The following GSTA2 variants were observed in gnomAD, a reference collection of about 807,000 sequenced individuals.
GSTA2 encodes the protein glutathione S-transferase alpha 2.
A neutral mutation model predicts 22.4 loss-of-function variants in GSTA2; 27 were observed. The ratio of observed to expected loss-of-function variants is 1.21; its 90% CI spans 0.89 to 1.67. The LOEUF is 1.67. GSTA2 is among the 40% of genes most tolerant of loss of function. The pLI is 0.00. For missense variants in GSTA2, 302 were observed against 260.2 expected (o/e 1.16, Z -1.11); for synonymous variants, 121 against 86.8 (o/e 1.39, Z -2.19).
chr6:52,762,898 T>C (rs905651401), intron 1 of GSTA2, among the ~76,000 whole-genome samples: 1 of 152,202 alleles, frequency 6.6e-6, no homozygotes, highest in African/African-American at 2.4e-5. Flanking sequence ...AGCTATTCTC[T>C]ATATTGGCCA....
At chr6:52,754,595 A>G (rs73740523) in intron 4 of GSTA2, among the ~76,000 whole-genome samples, 1,700 of 152,180 alleles carry the variant, frequency 0.011, 33 homozygotes, top group African/African-American at 0.038. Context: ...CACATATTCT[A>G]TGCCTGTCCT....
At chr6:52,756,907 C>A (rs1161646286) in intron 2 of GSTA2, among the ~76,000 whole-genome samples, 1 of 151,920 alleles carries the variant, frequency 6.6e-6, no homozygotes, top group African/African-American at 2.4e-5. Context: ...ATTAGGGTCC[C>A]ACACTAGCAT....
intron 6 of GSTA2, 23 bp downstream of exon 6, chr6:52,751,554 C>T: frequency 6.2e-7 from 1 of 1,613,838 alleles, no homozygotes; most frequent in African/African-American, 1.3e-5. Context: ...GTCTGCCTCT[C>T]TGAAGACTGT....
chr6:52,752,942 A>C lies in GSTA2; in HGVS notation c.326T>G (p.Leu109Arg). Residue 109 changes from leucine to arginine, a missense_variant, in exon 5 of 7, where the codon CTG becomes CGG. Physicochemically the swap from Leu to Arg is moderately radical, Grantham distance 102 (BLOSUM62 -2). Coordinates refer to ENST00000493422, the MANE Select transcript of GSTA2 (RefSeq NM_000846.5). ...TTGTTCCTCAGGTTGACTAAAGGGC[A>C]GAAGAAGGATCATTTCACCCAAATC... ...IADLGEMILLLPFSQPEEQDA... is the reference protein window; with the variant it reads ...IADLGEMILLRPFSQPEEQDA... The C allele has an allele frequency of 6.2e-7, 1 of 1,613,908 alleles. No individual in the cohort carries two copies. The highest frequency in any genetic ancestry group is 8.5e-7 in the Non-Finnish European group (1 of 1,179,790).
rs116655776 is a variant in GSTA2 at position 52,754,397 on chromosome 6, G to A, written c.272+546C>T. On this transcript the variant is annotated intron_variant, in intron 4 of 6. Coordinates refer to ENST00000493422, the MANE Select transcript of GSTA2 (RefSeq NM_000846.5). ...GTATTGAATCAATCTGGCTGTTTCGGCCTTCTATCCATGTGTCAAGGTAAC... is the reference window on the plus strand; with the variant it reads ...GTATTGAATCAATCTGGCTGTTTCGACCTTCTATCCATGTGTCAAGGTAAC... 9.4e-3 allele frequency among the ~76,000 whole-genome samples: 1,431 copies of A among 152,206 alleles called. 29 individuals carry two copies. Among genetic ancestry groups the A allele is most frequent in the African/African-American group, 0.033 (1,378 of 41,504 alleles).
chr6:52,750,832 A>G, intron 6 of GSTA2, 133 bp from the exon 7 acceptor site: 1 of 1,014,016 alleles, frequency 9.9e-7, no homozygotes, highest in South Asian at 1.7e-5. Context: ...GAAGGCAGAA[A>G]CAGACACCCA....
At chr6:52,758,084 C>T in intron 1 of GSTA2, 107 bp from the exon 2 acceptor site, 1 of 671,042 alleles carries the variant, frequency 1.5e-6, no homozygotes, top group Non-Finnish European at 2.6e-6. Flanking sequence ...GAAGAACCTG[C>T]CTTCTTCATG....
intron 5 of GSTA2, 83 bp from the exon 6 acceptor site, chr6:52,751,791 A>G: frequency 6.3e-7 from 1 of 1,598,786 alleles, no homozygotes; most frequent in Non-Finnish European, 8.6e-7. Context: ...CTCCACCCTG[A>G]CTTTCCCCAC....
intron 1 of GSTA2, among the ~76,000 whole-genome samples, chr6:52,762,040 G>T (rs1447310539): frequency 2.1e-5 from 3 of 145,670 alleles, no homozygotes; most frequent in Non-Finnish European, 2.9e-5. Flanking sequence ...GATGTGCTTT[G>T]TAAACAAATG....
At chr6:52,755,285 GCTCA>G (rs1402751043) in intron 3 of GSTA2, among the ~76,000 whole-genome samples, 1 of 148,756 alleles carries the variant, frequency 6.7e-6, no homozygotes, top group Admixed American at 6.8e-5. Context: ...TGTGATCTTG[GCTCA>G]CTGTAACCTC....
chr6:52,755,020 C>T lies in GSTA2; in HGVS notation c.195G>A (p.Leu65=). The change falls in exon 4 of 7, where the codon CTG becomes CTA. Residue 65 remains leucine (L), a synonymous_variant. Transcript: ENST00000493422. Reference sequence around the variant, plus strand: ...AGTTGAGAATGGCTCTGGTCTGCACCAGCTTCATCCCATCAATCTCAACCA... The same window carrying T: ...AGTTGAGAATGGCTCTGGTCTGCACTAGCTTCATCCCATCAATCTCAACCA... ...VPMVEIDGMK[L]VQTRAILNYI... The T allele has an allele frequency of 1.2e-6, 2 of 1,614,022 alleles. No homozygotes were observed. Among genetic ancestry groups the T allele is most frequent in the Non-Finnish European group, 1.7e-6 (2 of 1,180,014 alleles).
rs1037945154 is a variant in GSTA2 at position 52,750,768 on chromosome 6, C to G, written c.547-69G>C. The G allele has an allele frequency of 3.8e-6, 6 of 1,576,236 alleles. No individual in the cohort carries two copies. In the African/African-American group the frequency reaches 8.2e-5, roughly 21 times the overall value. On this transcript the variant is annotated intron_variant, in intron 6 of 6. Coordinates refer to ENST00000493422, the MANE Select transcript of GSTA2 (RefSeq NM_000846.5). ...GGCTGACACCCCCATTAACATGACC[C>G]AGGGAATCTGAGTCCCTCCTGCCAA... is the stretch of plus-strand genomic sequence containing the variant.
intron 4 of GSTA2, among the ~76,000 whole-genome samples, chr6:52,754,477 A>C (rs949048053): frequency 6.6e-6 from 1 of 152,178 alleles, no homozygotes; most frequent in African/African-American, 2.4e-5. Context: ...TCCAGTTGAT[A>C]TAATTGGTTG....
intron 4 of GSTA2, among the ~76,000 whole-genome samples, chr6:52,753,339 G>A (rs1328055739): frequency 6.6e-6 from 1 of 152,112 alleles, no homozygotes; most frequent in Admixed American, 6.6e-5. Flanking sequence ...TGCTGTGCCA[G>A]GATTTATCAT....
At chr6:52,754,350 A>G (rs1011870098) in intron 4 of GSTA2, among the ~76,000 whole-genome samples, 3 of 152,220 alleles carry the variant, frequency 2.0e-5, no homozygotes, top group Admixed American at 6.5e-5. Flanking sequence ...CACAACAACA[A>G]GGAGACCCCT....
chr6:52,751,531 A>T (rs1402017003), intron 6 of GSTA2, 46 bp downstream of exon 6: 1 of 1,612,572 alleles, frequency 6.2e-7, no homozygotes, highest in South Asian at 1.1e-5. Context: ...AGATCCCAAG[A>T]TGGGAGATGT....
At chr6:52,755,127 T>C in intron 3 of GSTA2, 52 bp from the exon 4 acceptor site, 3 of 1,591,694 alleles carry the variant, frequency 1.9e-6, no homozygotes, top group Non-Finnish European at 2.6e-6. Context: ...AACCCACCAT[T>C]TCAGGATGAA....
intron 1 of GSTA2, among the ~76,000 whole-genome samples, chr6:52,760,304 C>G (rs1201677715): frequency 6.6e-6 from 1 of 152,186 alleles, no homozygotes; most frequent in Non-Finnish European, 1.5e-5. Flanking sequence ...TCACAACACT[C>G]CAGCTGATAA....
chr6:52,754,918 T>C (rs1346218842), intron 4 of GSTA2, 25 bp downstream of exon 4: 9 of 1,612,262 alleles, frequency 5.6e-6, no homozygotes, highest in Non-Finnish European at 7.6e-6. Flanking sequence ...TCTCTGTGGA[T>C]GGAAGAACAG....
Sources: allele counts gnomAD v4.1 joint callset (sites outside exome capture counted in the v4.1 genomes callset), GRCh38; gene constraint gnomAD v4.1.1; transcripts MANE v1.5; gene names NCBI Gene and HGNC (gene_info 2026-07-23, HGNC 2026-07-21).